The following COL22A1 variants were observed in gnomAD, a reference collection of about 807,000 sequenced individuals.
COL22A1 encodes collagen alpha-1(XXII) chain.
A neutral mutation model predicts 248.9 loss-of-function variants in COL22A1; 221 were observed. That is an observed-to-expected ratio of 0.89 (90% CI 0.80 to 0.99). COL22A1 has a LOEUF of 0.99. COL22A1 is among the 50% of genes least tolerant of loss of function. The pLI is 0.00. For missense variants in COL22A1, 2,240 were observed against 2,179.0 expected (o/e 1.03, Z -0.56); for synonymous variants, 891 against 793.4 (o/e 1.12, Z -2.07).
At chr8:138,840,250 T>TTA (rs1820781500) in intron 4 of COL22A1, among the ~76,000 whole-genome samples, 1 of 152,096 alleles carries the variant, frequency 6.6e-6, no homozygotes, top group East Asian at 1.9e-4. Flanking sequence ...TCGGGGCTGG[T>TTA]TATAATTAGA....
At chr8:138,591,536 A>AC (rs761189077) in intron 63 of COL22A1, 35 bp from the exon 64 acceptor site, 3 of 1,465,040 alleles carry the variant, frequency 2.0e-6, no homozygotes, top group Admixed American at 2.2e-5. Flanking sequence ...GATGGTGGAG[A>AC]CCCCCGGGGA....
In COL22A1 at chr8:138,778,459, G is replaced by T. The variant is rs1174371755; in HGVS notation, c.1705-53C>A. 3 of 1,500,474 alleles carry T rather than the reference G, an allele frequency of 2.0e-6. No individual in the cohort carries two copies. The East Asian group carries it at 6.8e-5, about 34-fold the overall frequency. 92.9% of individuals were successfully genotyped at this position (1,500,474 alleles called of 1,614,324 possible). ...TTTCAGGGATGGAAAAGAAAGGCAA[G>T]TGCAGCCGTACAGCTCAGCCAGTCC... is the stretch of plus-strand genomic sequence containing the variant. On this transcript the variant is annotated intron_variant, in intron 14 of 64. Transcript: ENST00000303045.
chr8:138,671,234 AG>A (rs1209380007), intron 41 of COL22A1, among the ~76,000 whole-genome samples: 1 of 152,228 alleles, frequency 6.6e-6, no homozygotes, highest in East Asian at 1.9e-4. Context: ...GAGAGATACT[AG>A]TCTGTTGTAT....
intron 62 of COL22A1, among the ~76,000 whole-genome samples, chr8:138,595,684 T>C (rs535948729): frequency 6.6e-6 from 1 of 152,090 alleles, no homozygotes; most frequent in African/African-American, 2.4e-5. Flanking sequence ...TGTGTTCCCC[T>C]GGACACTCCA....
At chr8:138,909,419 A>ACTGTGCCC (rs1453064409) in intron 1 of COL22A1, among the ~76,000 whole-genome samples, 3 of 150,710 alleles carry the variant, frequency 2.0e-5, no homozygotes, top group Non-Finnish European at 4.4e-5. Flanking sequence ...TCAAGAGCAG[A>ACTGTGCCC]CTGTGCCCCT....
At chr8:138,881,976 C>G (rs1824249438) in intron 2 of COL22A1, among the ~76,000 whole-genome samples, 1 of 152,172 alleles carries the variant, frequency 6.6e-6, no homozygotes, top group African/African-American at 2.4e-5. Context: ...CTTCTCATCT[C>G]CAGTCAACTT....
intron 37 of COL22A1, among the ~76,000 whole-genome samples, chr8:138,687,318 G>A (rs1295062477): frequency 6.6e-6 from 1 of 152,222 alleles, no homozygotes; most frequent in Non-Finnish European, 1.5e-5. Context: ...CTTCATAGAT[G>A]TGTTGATCAT....
intron 1 of COL22A1, among the ~76,000 whole-genome samples, chr8:138,896,174 G>C (rs1825401557): frequency 6.6e-6 from 1 of 152,140 alleles, no homozygotes; most frequent in Admixed American, 6.5e-5. Flanking sequence ...AAGGAAATGA[G>C]AGAAAGAGGT....
chr8:138,805,660 G>C (rs1374111897), intron 10 of COL22A1, among the ~76,000 whole-genome samples: 1 of 142,268 alleles, frequency 7.0e-6, no homozygotes, highest in African/African-American at 2.6e-5. Context: ...GGTGTGTTAT[G>C]GTGTGTGTCT....
chr8:138,882,713 C>T (rs1238625147), intron 2 of COL22A1, among the ~76,000 whole-genome samples: 2 of 151,216 alleles, frequency 1.3e-5, no homozygotes, highest in Non-Finnish European at 2.9e-5. Flanking sequence ...AACACACACT[C>T]CCTCACACTC....
intron 3 of COL22A1, among the ~76,000 whole-genome samples, chr8:138,858,582 G>T (rs921920575): frequency 6.6e-6 from 1 of 152,032 alleles, no homozygotes; most frequent in African/African-American, 2.4e-5. Flanking sequence ...ACCTGAGGGT[G>T]CCAAGCAAAA....
intron 41 of COL22A1, among the ~76,000 whole-genome samples, chr8:138,667,892 G>C (rs762665575): frequency 6.6e-6 from 1 of 151,868 alleles, no homozygotes; most frequent in Non-Finnish European, 1.5e-5. Flanking sequence ...GCCAGAATCA[G>C]ATCAAGCCTC....
rs925969623 is a variant in COL22A1 at position 138,776,159 on chromosome 8, C to T, written c.1759-149G>A. On this transcript the variant is annotated intron_variant, in intron 15 of 64. Coordinates refer to ENST00000303045, the MANE Select transcript of COL22A1 (RefSeq NM_152888.3). ...TGAGGACCCTGTCTCCCTGTGTAGTCTAAGGCCACAAAGCAGCTGCTGTGT... is the reference window on the plus strand; with the variant it reads ...TGAGGACCCTGTCTCCCTGTGTAGTTTAAGGCCACAAAGCAGCTGCTGTGT... 11 of 746,828 alleles carry T rather than the reference C, an allele frequency of 1.5e-5. No homozygotes were observed. In the African/African-American group the frequency reaches 1.9e-4, roughly 13 times the overall value. 46.3% of individuals were successfully genotyped at this position (746,828 alleles called of 1,614,324 possible). A position where few individuals can be genotyped will look rare whatever the true frequency, so the allele number is the denominator to read the frequency against.
intron 41 of COL22A1, among the ~76,000 whole-genome samples, chr8:138,668,892 AG>A (rs1223410243): frequency 6.6e-6 from 1 of 152,188 alleles, no homozygotes; most frequent in Non-Finnish European, 1.5e-5. Flanking sequence ...CTTCACCCAG[AG>A]GGGGATAGGC....
chr8:138,652,748 T>TTTTTTTTTTTC (rs1822871158), intron 45 of COL22A1, among the ~76,000 whole-genome samples: 1 of 106,346 alleles, frequency 9.4e-6, no homozygotes. Flanking sequence ...TTTTTTTTTT[T>TTTTTTTTTTTC]TTTTTTTTTT....
Position 138,725,421 on chromosome 8 carries a change from C to T in COL22A1, c.2159G>A (p.Gly720Asp). ...LGLQGPPGPPGVPGPPGPGGS... is the reference protein window; with the variant it reads ...LGLQGPPGPPDVPGPPGPGGS... Reference sequence around the variant, plus strand: ...TCCCGGTCCAGGGGGGCCTGGGACACCAGGGGGTCCTGGAGGGCCCTGTAG... The same window carrying T: ...TCCCGGTCCAGGGGGGCCTGGGACATCAGGGGGTCCTGGAGGGCCCTGTAG... Residue 720 changes from glycine to aspartate, a missense_variant, in exon 24 of 65, where the codon GGT becomes GAT. Physicochemically the swap from Gly to Asp is moderately conservative, Grantham distance 94. Coordinates refer to ENST00000303045, the MANE Select transcript of COL22A1 (RefSeq NM_152888.3). 6.2e-7 allele frequency: 1 copy of T among 1,614,066 alleles called. No individual in the cohort carries two copies. Among genetic ancestry groups the T allele is most frequent in the African/African-American group, 1.3e-5 (1 of 75,030 alleles).
At chr8:138,830,569 A>G (rs919942398) in intron 5 of COL22A1, among the ~76,000 whole-genome samples, 1 of 152,204 alleles carries the variant, frequency 6.6e-6, no homozygotes, top group Non-Finnish European at 1.5e-5. Flanking sequence ...CAACTCTCAG[A>G]GAACAGGAAG....
intron 63 of COL22A1, among the ~76,000 whole-genome samples, chr8:138,592,682 G>A (rs1251019631): frequency 6.6e-6 from 1 of 152,142 alleles, no homozygotes. Context: ...TCACTCCAGA[G>A]CAGCTAAAAT....
chr8:138,839,670 C>T lies in COL22A1; in HGVS notation c.733+4414G>A, dbSNP rs112430401. The stretch of plus-strand genomic sequence containing the variant: ...TGGAAGAAGCAGTTGAATTGGAGGG[C>T]GGTTTAGAAGGTATCATGGGCAGGA... On this transcript the variant is annotated intron_variant, in intron 4 of 64. Coordinates refer to ENST00000303045, the MANE Select transcript of COL22A1 (RefSeq NM_152888.3). Among the ~76,000 whole-genome samples, 422 of 152,020 alleles carry T rather than the reference C, an allele frequency of 2.8e-3. 2 individuals are homozygous for T. The highest frequency in any genetic ancestry group is 9.5e-3 in the African/African-American group (394 of 41,494).
Sources: allele counts gnomAD v4.1 joint callset (sites outside exome capture counted in the v4.1 genomes callset), GRCh38; gene constraint gnomAD v4.1.1; transcripts MANE v1.5; gene names NCBI Gene and HGNC (gene_info 2026-07-23, HGNC 2026-07-21).